C1orf198: variants seen among roughly 807,000 people sequenced by gnomAD.
The protein encoded by C1orf198 is chromosome 1 open reading frame 198, also known as uncharacterized protein C1orf198.
A neutral mutation model predicts 31.4 loss-of-function variants in C1orf198; 17 were observed. That is an observed-to-expected ratio of 0.54 (90% CI 0.37 to 0.81). The LOEUF is 0.81. Ranked by LOEUF, C1orf198 falls within the 40% of genes least tolerant of loss-of-function variation. The pLI is 0.00. For synonymous variants in C1orf198, 175 were observed against 193.8 expected, an observed-to-expected ratio of 0.90 and a Z score of 0.81; for missense variants, 401 against 450.3, an observed-to-expected ratio of 0.89 and a Z score of 0.99.
chr1:230,846,825 C>T (rs1440884657), intron 2 of C1orf198, among the ~76,000 whole-genome samples: 6 of 150,514 alleles, frequency 4.0e-5, no homozygotes, highest in Non-Finnish European at 8.9e-5. Flanking sequence ...GCCAGGCGGC[C>T]GGGCGCGGTG....
At chr1:230,839,939 AC>A in intron 3 of C1orf198, 31 bp from the exon 4 acceptor site, 2 of 1,576,712 alleles carry the variant, frequency 1.3e-6, no homozygotes, top group Non-Finnish European at 1.7e-6. Context: ...TGGAAGTAAG[AC>A]GAGCCTCTTT....
intron 2 of C1orf198, among the ~76,000 whole-genome samples, chr1:230,844,414 A>C (rs938538204): frequency 1.3e-5 from 2 of 152,112 alleles, no homozygotes; most frequent in African/African-American, 4.8e-5. Context: ...CCTCCCCAGA[A>C]GCCAAGCAGA....
chr1:230,855,785 C>T, intron 1 of C1orf198, 67 bp from the exon 2 acceptor site: 2 of 1,580,614 alleles, frequency 1.3e-6, no homozygotes, highest in Non-Finnish European at 1.7e-6. Context: ...AATATCCACC[C>T]AGGACCGTGG....
rs774838513 is a variant in C1orf198 at position 230,843,431 on chromosome 1, C to T, written c.850G>A (p.Glu284Lys). The change falls in exon 3 of 4, where the codon GAG becomes AAG. Residue 284 changes from glutamate (E) to lysine (K), a missense_variant. Coordinates refer to ENST00000366663, the MANE Select transcript of C1orf198 (RefSeq NM_032800.3). This position sits in a 1 kb window ranked among gnomAD's most constrained non-coding sequence, Gnocchi z 4.9. ...ALHEAAPSQL[E>K]GKLPSPDVRQ... ...ACATCAGGAGATGGCAGCTTCCCCT[C>T]GAGCTGGGAGGGGGCAGCCTCGTGC... The T allele has an allele frequency of 7.6e-6, 12 of 1,588,282 alleles. No individual in the cohort carries two copies. Among genetic ancestry groups the T allele is most frequent in the Middle Eastern group, 1.7e-4 (1 of 6,042 alleles).
intron 2 of C1orf198, among the ~76,000 whole-genome samples, chr1:230,853,659 A>T (rs924636014): frequency 3.3e-5 from 5 of 152,198 alleles, no homozygotes; most frequent in Non-Finnish European, 7.3e-5. Context: ...TTTGTGAAAC[A>T]AACTGGAACT....
At chr1:230,842,937 A>G (rs1453217657) in intron 3 of C1orf198, among the ~76,000 whole-genome samples, 3 of 151,352 alleles carry the variant, frequency 2.0e-5, no homozygotes, top group African/African-American at 4.9e-5. Flanking sequence ...CTGCTTTGCC[A>G]ACAGGCAGCT....
chr1:230,844,674 C>G (rs1326169047), intron 2 of C1orf198, among the ~76,000 whole-genome samples: 1 of 152,162 alleles, frequency 6.6e-6, no homozygotes, highest in Non-Finnish European at 1.5e-5. Flanking sequence ...TGGCAGGTGA[C>G]GACCCTCATT....
intron 2 of C1orf198, among the ~76,000 whole-genome samples, chr1:230,844,159 G>A (rs1219615770): frequency 6.6e-6 from 1 of 152,020 alleles, no homozygotes; most frequent in African/African-American, 2.4e-5. Context: ...ATCTCATGTC[G>A]AACTGTAATC....
rs373279640 is a variant in C1orf198 at position 230,841,042 on chromosome 1, G to A, written c.928-1134C>T. On this transcript the variant is annotated intron_variant, in intron 3 of 3. Transcript: ENST00000366663. ...CGTTCCTGCTTCTCTTTAGAGTGGGGACTATCACCTATTTTATGGAAATAC... is the reference window on the plus strand; with the variant it reads ...CGTTCCTGCTTCTCTTTAGAGTGGGAACTATCACCTATTTTATGGAAATAC... Among the ~76,000 whole-genome samples, 28 of 152,300 alleles carry A rather than the reference G, an allele frequency of 1.8e-4. No homozygotes were observed. In the South Asian group the frequency reaches 4.4e-3, roughly 24 times the overall value.
intron 2 of C1orf198, among the ~76,000 whole-genome samples, chr1:230,851,108 T>C (rs1469303422): frequency 6.6e-6 from 1 of 152,134 alleles, no homozygotes; most frequent in East Asian, 1.9e-4. Flanking sequence ...TGCTTATGTA[T>C]CTTCCCAAGG....
intron 1 of C1orf198, among the ~76,000 whole-genome samples, chr1:230,866,737 C>A (rs1030053593): frequency 6.6e-6 from 1 of 152,174 alleles, no homozygotes; most frequent in African/African-American, 2.4e-5. Context: ...CTTTTTCATC[C>A]CCCAAATCTG....
intron 2 of C1orf198, among the ~76,000 whole-genome samples, chr1:230,846,975 C>T (rs113353764): frequency 6.6e-6 from 1 of 151,938 alleles, no homozygotes; most frequent in African/African-American, 2.4e-5. Context: ...CGGTGGCGGG[C>T]GCCTGTAGTC....
rs947933327 is a variant in C1orf198 at position 230,838,091 on chromosome 1, C to G, written c.*1761G>C. 13 of 152,266 alleles carry G rather than the reference C, an allele frequency of 8.5e-5. No homozygotes were observed. The highest frequency in any genetic ancestry group is 3.1e-4 in the African/African-American group (13 of 41,470). The allele number at this position is 152,266 out of a possible 1,614,324, so 9.4% of individuals were successfully genotyped here. Reference sequence around the variant, plus strand: ...ATGCCCTCCAGGCAGAAGGTGGAGGCAGGTGGCCGCTGATTCTGAGGATCC... The same window carrying G: ...ATGCCCTCCAGGCAGAAGGTGGAGGGAGGTGGCCGCTGATTCTGAGGATCC... On this transcript the variant is annotated 3_prime_UTR_variant, in exon 4 of 4. Coordinates refer to ENST00000366663, the MANE Select transcript of C1orf198 (RefSeq NM_032800.3). This position sits in a 1 kb window ranked among gnomAD's most constrained non-coding sequence, Gnocchi z 4.2.
chr1:230,851,162 GC>G (rs1432457314), intron 2 of C1orf198, among the ~76,000 whole-genome samples: 1 of 152,130 alleles, frequency 6.6e-6, no homozygotes, highest in African/African-American at 2.4e-5. Flanking sequence ...ATCTATATTA[GC>G]CCCCCAAGAT....
At position 230,843,636 on chromosome 1, in the gene C1orf198, G is replaced by C; in HGVS notation, c.645C>G (p.Ile215Met). 3 of 1,614,244 alleles carry C rather than the reference G, an allele frequency of 1.9e-6. No homozygotes were observed. Among genetic ancestry groups the C allele is most frequent in the Non-Finnish European group, 2.5e-6 (3 of 1,180,054 alleles). Residue 215 changes from isoleucine to methionine, a missense_variant, in exon 3 of 4, where the codon ATC (isoleucine) becomes ATG (methionine). Physicochemically the swap from Ile to Met is conservative, Grantham distance 10. Transcript: ENST00000366663. The surrounding 1 kb of genome is among the most constrained non-coding windows in gnomAD (Gnocchi z 4.9). ...AEFQSLTPSQ[I>M]KSMEKGEKVL... ...CCTTTTCCCCCTTCTCCATGGACTTGATCTGGCTAGGGGTCAGCGACTGGA... is the reference window on the plus strand; with the variant it reads ...CCTTTTCCCCCTTCTCCATGGACTTCATCTGGCTAGGGGTCAGCGACTGGA...
At chr1:230,862,017 A>G (rs1221460567) in intron 1 of C1orf198, among the ~76,000 whole-genome samples, 1 of 152,244 alleles carries the variant, frequency 6.6e-6, no homozygotes, top group Non-Finnish European at 1.5e-5. Context: ...AGAGCAGAGC[A>G]TGTGAGCAGG....
rs565363237 is a variant in C1orf198 at position 230,842,586 on chromosome 1, C to T, written c.927+768G>A. Among the ~76,000 whole-genome samples the T allele has an allele frequency of 3.9e-5, 6 of 152,078 alleles. No individual in the cohort carries two copies. In the South Asian group the frequency reaches 8.3e-4, roughly 21 times the overall value. On this transcript the variant is annotated intron_variant, in intron 3 of 3. Coordinates refer to ENST00000366663, the MANE Select transcript of C1orf198 (RefSeq NM_032800.3). ...AATGACACAATGGACTTTGGGGACTCGGGGAAAGAGTGGGAGGTGGGTGAG... is the reference window on the plus strand; with the variant it reads ...AATGACACAATGGACTTTGGGGACTTGGGGAAAGAGTGGGAGGTGGGTGAG...
At chr1:230,867,696 A>G (rs1250127413) in intron 1 of C1orf198, among the ~76,000 whole-genome samples, 8 of 152,076 alleles carry the variant, frequency 5.3e-5, no homozygotes, top group Non-Finnish European at 2.9e-5. Flanking sequence ...TCATGTTAGT[A>G]TATATCATTT....
At chr1:230,868,004 A>G (rs1335394321) in intron 1 of C1orf198, among the ~76,000 whole-genome samples, 176 bp downstream of exon 1, 1 of 152,090 alleles carries the variant, frequency 6.6e-6, no homozygotes, top group Non-Finnish European at 1.5e-5. Flanking sequence ...CCCCCAGCGG[A>G]GCCCCCACCC....
Sources: allele counts gnomAD v4.1 joint callset (sites outside exome capture counted in the v4.1 genomes callset), GRCh38; gene constraint gnomAD v4.1.1; non-coding constraint Gnocchi (gnomAD v3.1); transcripts MANE v1.5; gene names NCBI Gene and HGNC (gene_info 2026-07-23, HGNC 2026-07-21).